Variants in ZNF280D observed in about 807,000 individuals in gnomAD.
The protein encoded by ZNF280D is suppressor of hairy wing homolog 4.
ZNF280D carries 39 observed loss-of-function variants against 94.7 expected under a neutral mutation model. The ratio of observed to expected loss-of-function variants is 0.41; its 90% CI spans 0.32 to 0.54. The LOEUF is 0.54. Ranked by LOEUF, ZNF280D falls within the 20% of genes least tolerant of loss-of-function variation. The pLI is 0.22. For missense variants in ZNF280D, 1,090 were observed against 1,149.3 expected (o/e 0.95, Z 0.75); for synonymous variants, 398 against 377.6 (o/e 1.05, Z -0.63).
intron 9 of ZNF280D, among the ~76,000 whole-genome samples, chr15:56,683,732 C>T (rs914303154): frequency 5.9e-5 from 9 of 152,036 alleles, no homozygotes; most frequent in African/African-American, 1.9e-4. Context: ...TGTGAACATC[C>T]AACATCAGTC....
At chr15:56,704,996 T>C (rs2141230329) in intron 3 of ZNF280D, among the ~76,000 whole-genome samples, 1 of 149,994 alleles carries the variant, frequency 6.7e-6, no homozygotes, top group Admixed American at 6.7e-5. Context: ...AAAAAAAAAA[T>C]GCCAGGCACA....
intron 18 of ZNF280D, 65 bp downstream of exon 18, chr15:56,654,320 G>A: frequency 6.3e-7 from 1 of 1,598,352 alleles, no homozygotes; most frequent in Non-Finnish European, 8.5e-7. Context: ...AGACCATATT[G>A]TGGATGACCA....
chr15:56,633,471 T>C (rs1285693720), intron 21 of ZNF280D, among the ~76,000 whole-genome samples: 3 of 151,956 alleles, frequency 2.0e-5, no homozygotes, highest in East Asian at 1.9e-4. Context: ...ATAGTAAATA[T>C]AAAAAATCTA....
At chr15:56,705,292 ATT>A (rs1411930539) in intron 3 of ZNF280D, among the ~76,000 whole-genome samples, 1 of 152,176 alleles carries the variant, frequency 6.6e-6, no homozygotes, top group Non-Finnish European at 1.5e-5. Flanking sequence ...ATAACTTAGC[ATT>A]TGTGTTTTTT....
intron 9 of ZNF280D, among the ~76,000 whole-genome samples, chr15:56,683,122 A>G (rs1035961019): frequency 3.9e-5 from 6 of 152,108 alleles, no homozygotes; most frequent in Non-Finnish European, 8.8e-5. Context: ...TTTAACAGAA[A>G]AGTAGGATAG....
intron 13 of ZNF280D, among the ~76,000 whole-genome samples, chr15:56,673,183 G>A (rs896011704): frequency 9.9e-5 from 15 of 151,786 alleles, no homozygotes; most frequent in African/African-American, 2.7e-4. Flanking sequence ...AAATGCCTAC[G>A]TAACATTACT....
intron 12 of ZNF280D, 32 bp from the exon 13 acceptor site, chr15:56,676,848 G>A (rs773707109): frequency 6.6e-7 from 1 of 1,517,716 alleles, no homozygotes; most frequent in South Asian, 1.2e-5. Flanking sequence ...AGTTTAACTT[G>A]AAAATTTAAA....
intron 13 of ZNF280D, 71 bp downstream of exon 13, chr15:56,676,599 G>T: frequency 7.4e-7 from 1 of 1,350,964 alleles, no homozygotes; most frequent in African/African-American, 1.5e-5. Flanking sequence ...CAAATCTAAA[G>T]ATTCTCCAAG....
intron 14 of ZNF280D, 54 bp downstream of exon 14, chr15:56,668,769 G>A (rs1279613417): frequency 4.0e-5 from 58 of 1,446,820 alleles, no homozygotes; most frequent in Non-Finnish European, 5.3e-5. Context: ...AGCCGGGCAG[G>A]AGTTAATTTC....
chr15:56,677,704 T>G lies in ZNF280D; in HGVS notation c.1163-30A>C, dbSNP rs529242728. The G allele has an allele frequency of 2.2e-4, 201 of 918,048 alleles. 1 individual carries two copies. The South Asian group carries it at 4.8e-3, about 22-fold the overall frequency. 56.9% of individuals were successfully genotyped at this position (918,048 alleles called of 1,614,324 possible). A position where few individuals can be genotyped will look rare whatever the true frequency, so the allele number is the denominator to read the frequency against. The stretch of plus-strand genomic sequence containing the variant: ...ATGTGGGAGAGAAACAGTATAATAA[T>G]ATTTAAGATATTAATATAAAAATTA... On this transcript the variant is annotated intron_variant, in intron 11 of 21. Transcript: ENST00000267807.
At chr15:56,720,172 C>T (rs531616994) in intron 1 of ZNF280D, among the ~76,000 whole-genome samples, 8 of 152,298 alleles carry the variant, frequency 5.3e-5, no homozygotes, top group African/African-American at 1.7e-4. Context: ...TCAATCCTCT[C>T]AATCCTTGCT....
chr15:56,717,600 T>C (rs1157197466), intron 1 of ZNF280D, among the ~76,000 whole-genome samples: 2 of 152,062 alleles, frequency 1.3e-5, no homozygotes, highest in Non-Finnish European at 2.9e-5. Context: ...ATAAAATAAT[T>C]GTAATTAGTA....
chr15:56,707,968 C>T (rs2057517806), intron 1 of ZNF280D, among the ~76,000 whole-genome samples: 1 of 151,744 alleles, frequency 6.6e-6, no homozygotes, highest in Non-Finnish European at 1.5e-5. Flanking sequence ...ATTTGAATTG[C>T]TTTATTCAAA....
In ZNF280D at chr15:56,696,683, C is replaced by A. The variant is rs1420595864; in HGVS notation, c.382-3468G>T. 2.6e-5 allele frequency among the ~76,000 whole-genome samples: 4 copies of A among 152,252 alleles called. No individual in the cohort carries two copies. The East Asian group carries it at 7.7e-4, about 29-fold the overall frequency. The stretch of plus-strand genomic sequence containing the variant: ...TACTATAGTTTATTAAAATGACTTC[C>A]AAAATTCAGAGAAAAGTCACTTAAA... On this transcript the variant is annotated intron_variant, in intron 6 of 21. Transcript: ENST00000267807.
chr15:56,725,861 G>C (rs1382369846), intron 1 of ZNF280D, among the ~76,000 whole-genome samples: 1 of 151,642 alleles, frequency 6.6e-6, no homozygotes, highest in African/African-American at 2.4e-5. Context: ...TTATGTGTAA[G>C]GCATTGTGTT....
intron 19 of ZNF280D, among the ~76,000 whole-genome samples, chr15:56,649,329 G>C (rs925231317): frequency 7.2e-5 from 11 of 152,068 alleles, no homozygotes; most frequent in African/African-American, 2.7e-4. Context: ...CTACACTAAA[G>C]TTTCATTTAT....
Position 56,706,931 on chromosome 15 carries a change from T to C in ZNF280D, c.28+151A>G, listed in dbSNP as rs2057438904. ...TCTATTTTACTCACTTTTTTATTTA[T>C]ATTACTTGTTTTTATGTGAACATTT... On this transcript the variant is annotated intron_variant, in intron 3 of 21. Transcript: ENST00000267807. 8 of 683,982 alleles carry C rather than the reference T, an allele frequency of 1.2e-5. No homozygotes were observed. The Admixed American group carries it at 1.3e-4, about 12-fold the overall frequency. The allele number at this position is 683,982 out of a possible 1,614,324, so 42.4% of individuals were successfully genotyped here.
At chr15:56,653,403 T>C in intron 19 of ZNF280D, 1 of 1,364,232 alleles carries the variant, frequency 7.3e-7, no homozygotes, top group East Asian at 2.9e-5. Context: ...ACATCAGCCT[T>C]ATGGGAGGCC....
chr15:56,644,931 CTCTT>C (rs1328771118), intron 19 of ZNF280D, among the ~76,000 whole-genome samples: 1 of 152,116 alleles, frequency 6.6e-6, no homozygotes, highest in African/African-American at 2.4e-5. Flanking sequence ...TATTAGTACT[CTCTT>C]TAAGGAACAG....
Sources: gnomAD v4.1 joint callset for allele counts (sites outside exome capture counted in the v4.1 genomes callset) on GRCh38, gnomAD v4.1.1 for gene constraint, MANE v1.5 for transcripts, NCBI Gene and HGNC (gene_info 2026-07-23, HGNC 2026-07-21) for gene names.